SLCO5A1: variants seen among roughly 807,000 people sequenced by gnomAD.
SLCO5A1 encodes the protein solute carrier organic anion transporter family member 5A1, also known as organic anion transporter polypeptide-related protein 4.
SLCO5A1 carries 39 observed loss-of-function variants against 65.1 expected under a neutral mutation model. The observed-to-expected ratio is 0.60, with a 90% confidence interval of 0.46 to 0.78. The LOEUF is 0.78. Ranked by LOEUF, SLCO5A1 falls within the 30% of genes least tolerant of loss-of-function variation. SLCO5A1 has a pLI of 0.00. For missense variants in SLCO5A1, 1,029 were observed against 1,069.4 expected (o/e 0.96, Z 0.53); for synonymous variants, 438 against 415.7 (o/e 1.05, Z -0.65).
At chr8:69,805,415 G>T (rs1819951258) in intron 2 of SLCO5A1, among the ~76,000 whole-genome samples, 2 of 152,106 alleles carry the variant, frequency 1.3e-5, no homozygotes, top group South Asian at 4.1e-4. Context: ...TAGAACCTAT[G>T]ATCCCAAGAT....
intron 3 of SLCO5A1, among the ~76,000 whole-genome samples, chr8:69,757,740 C>G (rs1817591629): frequency 6.7e-6 from 1 of 149,800 alleles, no homozygotes; most frequent in Non-Finnish European, 1.5e-5. Context: ...TATGATAATG[C>G]CTGGCCCTCT....
intron 5 of SLCO5A1, among the ~76,000 whole-genome samples, chr8:69,716,296 G>T (rs1815533632): frequency 6.6e-6 from 1 of 152,166 alleles, no homozygotes; most frequent in South Asian, 2.1e-4. Context: ...GAACATTCAT[G>T]TACAAGTTTT....
chr8:69,752,572 G>A (rs1423329782), intron 4 of SLCO5A1, among the ~76,000 whole-genome samples: 1 of 152,076 alleles, frequency 6.6e-6, no homozygotes, highest in Non-Finnish European at 1.5e-5. Context: ...ATGTATACAA[G>A]ATAAAAATGA....
intron 6 of SLCO5A1, among the ~76,000 whole-genome samples, chr8:69,696,064 TCAG>T (rs1814484107): frequency 6.6e-6 from 1 of 152,178 alleles, no homozygotes; most frequent in African/African-American, 2.4e-5. Context: ...ATGGAGCCAA[TCAG>T]CACATTATGT....
At chr8:69,691,859 C>T (rs1440457360) in intron 6 of SLCO5A1, among the ~76,000 whole-genome samples, 2 of 152,178 alleles carry the variant, frequency 1.3e-5, no homozygotes, top group East Asian at 1.9e-4. Flanking sequence ...TCCTGGGCTA[C>T]AAACCTGTAC....
chr8:69,787,241 G>A (rs1470667668), intron 2 of SLCO5A1, among the ~76,000 whole-genome samples: 5 of 152,126 alleles, frequency 3.3e-5, no homozygotes, highest in East Asian at 1.9e-4. Flanking sequence ...AGACCTATAC[G>A]TGGCCTAAAT....
chr8:69,762,184 T>TTC (rs1817821967), intron 2 of SLCO5A1, among the ~76,000 whole-genome samples: 1 of 112,768 alleles, frequency 8.9e-6, no homozygotes, highest in Non-Finnish European at 1.9e-5. Context: ...CTTTCTTTCT[T>TTC]TCTTTCTTTC....
intron 2 of SLCO5A1, among the ~76,000 whole-genome samples, chr8:69,796,316 T>C (rs938046897): frequency 6.6e-6 from 1 of 152,066 alleles, no homozygotes; most frequent in Admixed American, 6.6e-5. Flanking sequence ...GCTTCCTTTT[T>C]AAATATAAAT....
intron 6 of SLCO5A1, among the ~76,000 whole-genome samples, chr8:69,697,722 AG>A (rs1257571326): frequency 6.6e-6 from 1 of 152,164 alleles, no homozygotes; most frequent in Non-Finnish European, 1.5e-5. Context: ...TTCCAAATAA[AG>A]TTAGCCACAG....
chr8:69,815,763 G>A (rs1047276321), intron 2 of SLCO5A1, among the ~76,000 whole-genome samples: 4 of 151,032 alleles, frequency 2.6e-5, no homozygotes, highest in African/African-American at 4.9e-5. Flanking sequence ...AATTCCCATG[G>A]TTAAATTTTT....
intron 2 of SLCO5A1, among the ~76,000 whole-genome samples, chr8:69,820,805 CAT>C (rs1443696442): frequency 7.7e-4 from 117 of 152,168 alleles, no homozygotes; most frequent in African/African-American, 2.5e-3. Flanking sequence ...TGTACATAGA[CAT>C]ATACACACAT....
chr8:69,711,247 G>A (rs1453405877), intron 5 of SLCO5A1, among the ~76,000 whole-genome samples: 1 of 152,044 alleles, frequency 6.6e-6, no homozygotes, highest in African/African-American at 2.4e-5. Context: ...TCCCTGGCTG[G>A]TGCCCTCTTT....
At chr8:69,715,987 G>GC (rs1390574299) in intron 5 of SLCO5A1, among the ~76,000 whole-genome samples, 6 of 152,070 alleles carry the variant, frequency 3.9e-5, no homozygotes, top group South Asian at 2.1e-4. Context: ...GCCCTCCCTT[G>GC]CCCCGCACTG....
In SLCO5A1 at chr8:69,832,155, G is replaced by A. The variant is rs1237661469; in HGVS notation, c.519C>T (p.Cys173=). 2 of 1,614,086 alleles carry A rather than the reference G, an allele frequency of 1.2e-6. No homozygotes were observed. ...CCACCACCAGGTTCCCGATGTCAAAGCAGCTGACCAGCAGCCCCGACTCGG... is the reference window on the plus strand; with the variant it reads ...CCACCACCAGGTTCCCGATGTCAAAACAGCTGACCAGCAGCCCCGACTCGG... ...KSSESGLLVS[C]FDIGNLVVVV... Residue 173 remains cysteine (C), a synonymous_variant, in exon 2 of 10, where the codon TGC becomes TGT. Transcript: ENST00000260126. The surrounding 1 kb of genome is among the most constrained non-coding windows in gnomAD (Gnocchi z 4.5).
At chr8:69,754,555 A>G (rs1305070497) in intron 4 of SLCO5A1, among the ~76,000 whole-genome samples, 1 of 152,238 alleles carries the variant, frequency 6.6e-6, no homozygotes, top group Admixed American at 6.5e-5. Flanking sequence ...ATTATGCTTC[A>G]TAATTTATAT....
At chr8:69,734,475 T>C (rs1419249167) in intron 5 of SLCO5A1, among the ~76,000 whole-genome samples, 2 of 152,250 alleles carry the variant, frequency 1.3e-5, no homozygotes, top group African/African-American at 4.8e-5. Flanking sequence ...TCTGTTTATT[T>C]ATTTAGACAG....
At position 69,833,072 on chromosome 8, in the gene SLCO5A1, T is replaced by C. The variant is rs1216763374; in HGVS notation, c.-399A>G. The C allele has an allele frequency of 2.2e-5, 5 of 223,792 alleles. No individual in the cohort carries two copies. The highest frequency in any genetic ancestry group is 3.4e-5 in the Non-Finnish European group (4 of 119,158). The allele number at this position is 223,792 out of a possible 1,614,324, so 13.9% of individuals were successfully genotyped here. On this transcript the variant is annotated 5_prime_UTR_variant, in exon 2 of 10. The change abolishes the stop of an existing upstream ORF in the 5' untranslated region. Transcript: ENST00000260126. ...CCTGCGCCGGGGGTGGGGGGGCACT[T>C]AGCGCTGCTGTCCGTACAGCATCCC...
intron 5 of SLCO5A1, among the ~76,000 whole-genome samples, chr8:69,707,858 G>A (rs892305016): frequency 5.9e-5 from 9 of 152,142 alleles, no homozygotes; most frequent in African/African-American, 1.7e-4. Flanking sequence ...ATGTGTGTGC[G>A]GAGCAGCTCA....
intron 2 of SLCO5A1, among the ~76,000 whole-genome samples, chr8:69,819,825 G>T (rs528240088): frequency 6.6e-6 from 1 of 152,248 alleles, no homozygotes; most frequent in Non-Finnish European, 1.5e-5. Flanking sequence ...TGCCAGGCAT[G>T]GTGGCAGGCA....
Sources: gnomAD v4.1 joint callset for allele counts (sites outside exome capture counted in the v4.1 genomes callset) on GRCh38, gnomAD v4.1.1 for gene constraint, Gnocchi (gnomAD v3.1) non-coding constraint, MANE v1.5 for transcripts, NCBI Gene and HGNC (gene_info 2026-07-23, HGNC 2026-07-21) for gene names.